The following IKZF4 variants were observed in gnomAD, a reference collection of about 807,000 sequenced individuals.
IKZF4 encodes the protein IKAROS family zinc finger 4.
A neutral mutation model predicts 47.7 loss-of-function variants in IKZF4; 11 were observed. The observed-to-expected ratio is 0.23, with a 90% CI of 0.15 to 0.38. IKZF4 has a LOEUF of 0.38. IKZF4 is among the 10% of genes least tolerant of loss of function. The pLI is 1.00. For synonymous variants in IKZF4, 298 were observed against 299.4 expected, an observed-to-expected ratio of 1.00 and a Z score of 0.05; for missense variants, 557 against 784.9, an observed-to-expected ratio of 0.71 and a Z score of 3.47.
At position 56,027,775 on chromosome 12, in the gene IKZF4, T is replaced by G; in HGVS notation, c.548-5T>G. On this transcript the variant is annotated splice_region_variant and splice_polypyrimidine_tract_variant and intron_variant, in intron 4 of 7. Coordinates refer to ENST00000547167, the MANE Select transcript of IKZF4 (RefSeq NM_022465.4). ...GTCCTCTGGGATTTGTTCTTTCACT[T>G]GCAGGTGAAAGGCCCTTCCATTGCA... 3 of 1,611,886 alleles carry G rather than the reference T, an allele frequency of 1.9e-6. No homozygotes were observed. The highest frequency in any genetic ancestry group is 2.5e-6 in the Non-Finnish European group (3 of 1,178,906).
intron 2 of IKZF4, among the ~76,000 whole-genome samples, chr12:56,014,613 G>GAA (rs986980891): frequency 1.2e-4 from 19 of 152,042 alleles, no homozygotes; most frequent in African/African-American, 4.6e-4. Flanking sequence ...CACACCAAAG[G>GAA]AAAAGATGAC....
upstream of IKZF4, among the ~76,000 whole-genome samples, chr12:56,016,746 G>A (rs914963221): frequency 5.9e-5 from 9 of 152,090 alleles, no homozygotes; most frequent in African/African-American, 1.7e-4. Context: ...ACAGGCATGC[G>A]CCACCATGCC....
chr12:56,032,649 G>T lies in IKZF4; in HGVS notation c.804G>T (p.Glu268Asp). 1 of 1,614,070 alleles carries T rather than the reference G, an allele frequency of 6.2e-7. No homozygotes were observed. ...KQQSTLEEHK[E>D]RCHNYLQSLS... ...AGAGTACCCTGGAGGAGCACAAGGA[G>T]CGGTGCCATAACTACCTACAGAGTC... The change falls in exon 6 of 8, where the codon GAG becomes GAT. Residue 268 changes from glutamate to aspartate, a missense_variant. Around this residue, in one of 6 missense-constraint regions of IKZF4, gnomAD observed 72 missense variants for 112.4 expected, o/e 0.64. Transcript: ENST00000547167.
At chr12:56,018,267 G>A, upstream of IKZF4, 2 of 923,052 alleles carry the variant, frequency 2.2e-6, no homozygotes, top group Non-Finnish European at 3.0e-6. Context: ...TAGGCACACA[G>A]CCTCTAAATG....
At chr12:56,023,041 C>T (rs562670254) in intron 1 of IKZF4, among the ~76,000 whole-genome samples, 303 of 152,206 alleles carry the variant, frequency 2.0e-3, no homozygotes, top group African/African-American at 6.2e-3. Context: ...CCTCGTGATC[C>T]GCCCGCCTCG....
intron 5 of IKZF4, among the ~76,000 whole-genome samples, chr12:56,030,335 CAG>C (rs1894720953): frequency 6.6e-6 from 1 of 151,656 alleles, no homozygotes; most frequent in African/African-American, 2.4e-5. Context: ...GAGGCTGAGA[CAG>C]GGAGGATCAC....
Position 56,035,280 on chromosome 12 carries a change from C to T in IKZF4, c.1707C>T (p.Asp569=). ...ACATCTGTGGTTATCACAGCCAGGA[C>T]CGGTACGAATTCTCTTCCCACATTG... ...ECNICGYHSQ[D]RYEFSSHIVR... Residue 569 remains aspartate, a synonymous_variant, in exon 8 of 8, where the codon GAC becomes GAT. Coordinates refer to ENST00000547167, the MANE Select transcript of IKZF4 (RefSeq NM_022465.4). The surrounding 1 kb of genome is among the most constrained non-coding windows in gnomAD (Gnocchi z 6.1). The T allele has an allele frequency of 6.2e-7, 1 of 1,613,986 alleles. No homozygotes were observed. The highest frequency in any genetic ancestry group is 8.5e-7 in the Non-Finnish European group (1 of 1,179,880).
chr12:56,012,858 C>T (rs1379929922), intron 2 of IKZF4, among the ~76,000 whole-genome samples: 1 of 152,140 alleles, frequency 6.6e-6, no homozygotes, highest in Non-Finnish European at 1.5e-5. Flanking sequence ...GGCACATGCA[C>T]CTGTAGTCCC....
intron 2 of IKZF4, chr12:56,011,634 GTC>G (rs1891333582): frequency 6.6e-6 from 1 of 152,214 alleles, no homozygotes; most frequent in South Asian, 2.1e-4. Context: ...AAGCTGAGCT[GTC>G]TTCAACTGTA....
chr12:56,027,052 C>A lies in IKZF4; in HGVS notation c.547+11C>A. On this transcript the variant is annotated intron_variant, in intron 4 of 7. Transcript: ENST00000547167. ...AGCGCAGTCACACTGGTAAGTAAGC[C>A]AGAGGGGCTCTGGGAGGAGCTCCCA... 1 of 1,496,578 alleles carries A rather than the reference C, an allele frequency of 6.7e-7. No individual in the cohort carries two copies. Among genetic ancestry groups the A allele is most frequent in the East Asian group, 2.5e-5 (1 of 40,680 alleles). 92.7% of individuals were successfully genotyped at this position (1,496,578 alleles called of 1,614,324 possible).
intron 2 of IKZF4, among the ~76,000 whole-genome samples, chr12:56,015,322 G>C (rs551526887): frequency 6.6e-6 from 1 of 151,736 alleles, no homozygotes; most frequent in East Asian, 2.0e-4. Context: ...TGATCCGCCC[G>C]CCTCCGCCTC....
chr12:56,014,790 A>C (rs1253883048), intron 2 of IKZF4, among the ~76,000 whole-genome samples: 1 of 152,060 alleles, frequency 6.6e-6, no homozygotes, highest in African/African-American at 2.4e-5. Flanking sequence ...AAAAAAAAAA[A>C]CAAAAACAAA....
chr12:56,022,467 C>G (rs1893188654), intron 1 of IKZF4, among the ~76,000 whole-genome samples: 1 of 152,142 alleles, frequency 6.6e-6, no homozygotes, highest in Non-Finnish European at 1.5e-5. Context: ...CTTGGGAGTC[C>G]CAGACTTTTG....
intron 1 of IKZF4, 167 bp downstream of exon 1, chr12:56,021,747 G>T (rs1198396646): frequency 1.9e-6 from 2 of 1,044,554 alleles, no homozygotes; most frequent in Non-Finnish European, 2.7e-6. Context: ...GGGAGGGGGC[G>T]TTCCTCCTTA....
At chr12:56,012,617 G>C (rs1253878770) in intron 2 of IKZF4, among the ~76,000 whole-genome samples, 2 of 151,630 alleles carry the variant, frequency 1.3e-5, no homozygotes, top group East Asian at 3.9e-4. Flanking sequence ...TGTTGCCCAG[G>C]CTGGCCTAGA....
At chr12:56,016,926 C>G (rs886471955), upstream of IKZF4, among the ~76,000 whole-genome samples, 6 of 151,882 alleles carry the variant, frequency 4.0e-5, no homozygotes, top group African/African-American at 1.5e-4. Flanking sequence ...GACGGGGTTT[C>G]ACCATGTTGG....
chr12:56,010,028 TC>T (rs1891154399), intron 1 of IKZF4: 1 of 148,884 alleles, frequency 6.7e-6, no homozygotes, highest in African/African-American at 2.5e-5. Context: ...CAACTGGCCA[TC>T]TCTCTCTCTG....
chr12:56,035,121 G>T lies in IKZF4; in HGVS notation c.1548G>T (p.Val516=), dbSNP rs780987212. The T allele has an allele frequency of 6.2e-7, 1 of 1,613,338 alleles. No homozygotes were observed. Among genetic ancestry groups the T allele is most frequent in the Non-Finnish European group, 8.5e-7 (1 of 1,179,510 alleles). The part of the protein sequence containing the change: ...LRGTPGPSKE[V]LRVVGESGEP... ...GCACCCCAGGCCCCTCCAAGGAAGT[G>T]CTTCGGGTGGTGGGCGAGAGTGGTG... The change falls in exon 8 of 8, where the codon GTG becomes GTT. Residue 516 remains valine (V), a synonymous_variant. Coordinates refer to ENST00000547167, the MANE Select transcript of IKZF4 (RefSeq NM_022465.4). The surrounding 1 kb of genome is among the most constrained non-coding windows in gnomAD (Gnocchi z 6.1).
chr12:56,026,910 G>A lies in IKZF4; in HGVS notation c.416G>A (p.Cys139Tyr), dbSNP rs776235616. ...TCATTGTCTGAGCCCCTGGGCTACT[G>A]TGATGGGAGTGGGCCAGAGCCTCAC... ...EDSLSEPLGY[C>Y]DGSGPEPHSP... The change falls in exon 4 of 8, where the codon TGT becomes TAT. Residue 139 changes from cysteine to tyrosine, a missense_variant. Physicochemically the swap from Cys to Tyr is radical, Grantham distance 194. Around this residue, in one of 6 missense-constraint regions of IKZF4, gnomAD observed 112 missense variants for 168.2 expected, o/e 0.67. Coordinates refer to ENST00000547167, the MANE Select transcript of IKZF4 (RefSeq NM_022465.4). 3 of 1,613,284 alleles carry A rather than the reference G, an allele frequency of 1.9e-6. No homozygotes were observed. The highest frequency in any genetic ancestry group is 1.1e-5 in the South Asian group (1 of 90,894).
Sources: gnomAD v4.1 joint callset for allele counts (sites outside exome capture counted in the v4.1 genomes callset) on GRCh38, gnomAD v4.1.1 for gene constraint, gnomAD v4.1.1 regional missense constraint, Gnocchi (gnomAD v3.1) non-coding constraint, MANE v1.5 for transcripts, NCBI Gene and HGNC (gene_info 2026-07-23, HGNC 2026-07-21) for gene names.